The following TMEM204 variants were observed in gnomAD, a reference collection of about 807,000 sequenced individuals.
TMEM204 encodes transmembrane protein 204.
In TMEM204, 15 loss-of-function variants were observed where a neutral mutation model predicts 19.4. That is an observed-to-expected ratio of 0.77 (90% confidence interval 0.52 to 1.19). The LOEUF (loss-of-function observed/expected upper bound fraction) is 1.19, where lower values mean the gene tolerates loss of function less well. Ranked by LOEUF, TMEM204 falls within the 50% of genes most tolerant of loss-of-function variation. TMEM204 has a pLI of 0.00. For synonymous variants in TMEM204, 161 were observed against 146.0 expected (o/e 1.10, Z -0.74); for missense variants, 287 against 321.2 (o/e 0.89, Z 0.81).
chr16:1,537,821 G>A (rs944855512), intron 1 of TMEM204, among the ~76,000 whole-genome samples: 5 of 152,216 alleles, frequency 3.3e-5, no homozygotes, highest in Non-Finnish European at 7.3e-5. Context: ...CTAGCTGAGG[G>A]GGAGCCCCAC....
At chr16:1,554,005 G>T (rs1596354617) in intron 2 of TMEM204, 1 of 1,287,254 alleles carries the variant, frequency 7.8e-7, no homozygotes, top group South Asian at 1.2e-5. Flanking sequence ...ACCAAGGGTT[G>T]CTCACGGCCC....
intron 1 of TMEM204, among the ~76,000 whole-genome samples, chr16:1,537,852 C>G (rs1193982135): frequency 6.6e-6 from 1 of 152,208 alleles, no homozygotes; most frequent in Non-Finnish European, 1.5e-5. Context: ...GGTGGCTCCA[C>G]GTGGCTCCGT....
chr16:1,553,430 A>AT lies in TMEM204; in HGVS notation c.437-1352_437-1351insT, dbSNP rs1369650348. 2.4e-5 allele frequency: 24 copies of AT among 985,202 alleles called. No homozygotes were observed. The African/African-American group carries it at 4.0e-4, about 17-fold the overall frequency. The allele number at this position is 985,202 out of a possible 1,614,324, so 61.0% of individuals were successfully genotyped here. On this transcript the variant is annotated intron_variant, in intron 2 of 2. Coordinates refer to ENST00000566264, the MANE Select transcript of TMEM204 (RefSeq NM_024600.6). The surrounding 1 kb of genome is among the most constrained non-coding windows in gnomAD (Gnocchi z 4.4). ...GCAGGGGAGGCGGTTGGGAGTGGAG[A>AT]GACCGGCATGAACAGACGCACAGGT...
At chr16:1,541,106 C>A in intron 1 of TMEM204, 1 of 985,436 alleles carries the variant, frequency 1.0e-6, no homozygotes, top group Non-Finnish European at 1.2e-6. Flanking sequence ...CAGAAGGCTC[C>A]ATCTGCCCCT....
At chr16:1,539,206 C>A (rs117107594) in intron 1 of TMEM204, among the ~76,000 whole-genome samples, 1 of 151,522 alleles carries the variant, frequency 6.6e-6, no homozygotes, top group African/African-American at 2.4e-5. Context: ...CCAAGCCACA[C>A]GGTGCCAACG....
Position 1,555,010 on chromosome 16 carries a change from T to C in TMEM204, c.665T>C (p.Val222Ala), listed in dbSNP as rs2032976108. 1 of 1,611,590 alleles carries C rather than the reference T, an allele frequency of 6.2e-7. No individual in the cohort carries two copies. The highest frequency in any genetic ancestry group is 1.3e-5 in the African/African-American group (1 of 74,940). The change falls in exon 3 of 3, where the codon GTG becomes GCG. Residue 222 changes from valine to alanine, a missense_variant. Val to Ala is a moderately conservative substitution (Grantham distance 64). Transcript: ENST00000566264. ...RFRRGLDNDYVESPC is the reference protein window; with the variant it reads ...RFRRGLDNDYAESPC ...CGCCGTGGGCTGGACAATGACTACG[T>C]GGAGTCACCATGCTGAGTCGCCCTT...
upstream of TMEM204, among the ~76,000 whole-genome samples, chr16:1,530,281 C>T (rs761272687): frequency 7.3e-5 from 11 of 151,682 alleles, no homozygotes; most frequent in Non-Finnish European, 1.2e-4. Context: ...TACAGGCATG[C>T]GCCACCACAC....
At chr16:1,544,176 C>T (rs1489800324) in intron 2 of TMEM204, among the ~76,000 whole-genome samples, 3 of 151,310 alleles carry the variant, frequency 2.0e-5, no homozygotes, top group East Asian at 3.9e-4. Context: ...TGCCACCACG[C>T]CCCACTAATT....
chr16:1,535,885 G>C (rs1477953089), intron 1 of TMEM204, among the ~76,000 whole-genome samples: 2 of 152,258 alleles, frequency 1.3e-5, no homozygotes, highest in African/African-American at 4.8e-5. Context: ...TCAGAACTCG[G>C]TGTCTTATGG....
Position 1,553,554 on chromosome 16 carries a change from G to T in TMEM204, c.437-1228G>T, listed in dbSNP as rs1030935842. On this transcript the variant is annotated intron_variant, in intron 2 of 2. Transcript: ENST00000566264. This position sits in a 1 kb window ranked among gnomAD's most constrained non-coding sequence, Gnocchi z 4.4. ...AGTCCTCTATGGACAAGAGGGGCTG[G>T]AGAGTTTAATCTGGACCAGTGTAAG... The T allele has an allele frequency of 1.0e-5, 10 of 1,002,510 alleles. No individual in the cohort carries two copies. The highest frequency in any genetic ancestry group is 1.1e-5 in the Non-Finnish European group (9 of 839,202). The allele number at this position is 1,002,510 out of a possible 1,614,324, so 62.1% of individuals were successfully genotyped here. A position where few individuals can be genotyped will look rare whatever the true frequency, so the allele number is the denominator to read the frequency against.
intron 1 of TMEM204, among the ~76,000 whole-genome samples, chr16:1,540,181 C>T (rs182702095): frequency 6.6e-6 from 1 of 152,220 alleles, no homozygotes; most frequent in Non-Finnish European, 1.5e-5. Flanking sequence ...CAGATGTGAG[C>T]GCTGGAGCAG....
chr16:1,548,380 C>T (rs533838862), intron 2 of TMEM204, among the ~76,000 whole-genome samples: 5 of 152,246 alleles, frequency 3.3e-5, no homozygotes, highest in African/African-American at 7.2e-5. Context: ...CCCAAGAAGC[C>T]GCAGGAAGGA....
chr16:1,553,586 A>G lies in TMEM204; in HGVS notation c.437-1196A>G. 1 of 1,023,170 alleles carries G rather than the reference A, an allele frequency of 9.8e-7. No homozygotes were observed. Among genetic ancestry groups the G allele is most frequent in the Non-Finnish European group, 1.2e-6 (1 of 851,146 alleles). 63.4% of individuals were successfully genotyped at this position (1,023,170 alleles called of 1,614,324 possible). On this transcript the variant is annotated intron_variant, in intron 2 of 2. Coordinates refer to ENST00000566264, the MANE Select transcript of TMEM204 (RefSeq NM_024600.6). The surrounding 1 kb of genome is among the most constrained non-coding windows in gnomAD (Gnocchi z 4.4). ...TAATCTGGACCAGTGTAAGTTACAG[A>G]GAGTCTCTGGCACTTTGGGTACAAG... is the stretch of plus-strand genomic sequence containing the variant.
intron 1 of TMEM204, among the ~76,000 whole-genome samples, chr16:1,535,254 T>C (rs2030949400): frequency 6.6e-6 from 1 of 152,014 alleles, no homozygotes; most frequent in African/African-American, 2.4e-5. Context: ...ACAGGGATGC[T>C]CAGTGGTTGC....
At chr16:1,536,283 G>A (rs543852482) in intron 1 of TMEM204, among the ~76,000 whole-genome samples, 36 of 152,242 alleles carry the variant, frequency 2.4e-4, no homozygotes, top group Admixed American at 6.5e-4. Context: ...CCTCTGGCAC[G>A]ACCTATGCAT....
rs766333793 is a variant in TMEM204, at chr16:1,542,008, G to A, written c.368G>A (p.Gly123Asp). ...CTCACCTTCCTCCTGGGGCTGGTGG[G>A]CCTGCCCCTGCTGTCACCCGACGCC... ...GQLTFLLGLV[G>D]LPLLSPDAPC... Residue 123 changes from glycine (G) to aspartate (D), a missense_variant, in exon 2 of 3, where the codon GGC becomes GAC. By Grantham distance (94) the Gly-to-Asp change is moderately conservative. Transcript: ENST00000566264. 1 of 1,611,224 alleles carries A rather than the reference G, an allele frequency of 6.2e-7. No homozygotes were observed. Among genetic ancestry groups the A allele is most frequent in the Non-Finnish European group, 8.5e-7 (1 of 1,179,624 alleles).
intron 1 of TMEM204, among the ~76,000 whole-genome samples, chr16:1,539,532 C>T (rs527772021): frequency 5.3e-5 from 8 of 152,272 alleles, no homozygotes; most frequent in African/African-American, 9.6e-5. Flanking sequence ...GCTGTCCGTA[C>T]GGGAACCCCT....
At chr16:1,537,677 T>A (rs1351042328) in intron 1 of TMEM204, among the ~76,000 whole-genome samples, 2 of 152,222 alleles carry the variant, frequency 1.3e-5, no homozygotes, top group Non-Finnish European at 2.9e-5. Flanking sequence ...TTTCTCCTCC[T>A]CACTTCGTCT....
chr16:1,539,777 C>A (rs564769912), intron 1 of TMEM204, among the ~76,000 whole-genome samples: 1 of 152,354 alleles, frequency 6.6e-6, no homozygotes, highest in East Asian at 1.9e-4. Flanking sequence ...TGTCTGCGGG[C>A]AGGCAGCGTG....
Sources: gnomAD v4.1 joint callset for allele counts (sites outside exome capture counted in the v4.1 genomes callset) on GRCh38, gnomAD v4.1.1 for gene constraint, Gnocchi (gnomAD v3.1) non-coding constraint, MANE v1.5 for transcripts, NCBI Gene and HGNC (gene_info 2026-07-23, HGNC 2026-07-21) for gene names.